Variants in MGAT4C observed in about 807,000 individuals in gnomAD.
MGAT4C encodes alpha-1,3-mannosyl-glycoprotein 4-beta-N-acetylglucosaminyltransferase C.
MGAT4C carries 19 observed loss-of-function variants against 40.1 expected under a neutral mutation model. That is an observed-to-expected ratio of 0.47 (90% CI 0.33 to 0.70). MGAT4C has a LOEUF of 0.70. MGAT4C is among the 30% of genes least tolerant of loss of function. The pLI is 0.02. For missense variants in MGAT4C, 491 were observed against 563.2 expected, an observed-to-expected ratio of 0.87 and a Z score of 1.30; for synonymous variants, 181 against 187.1, an observed-to-expected ratio of 0.97 and a Z score of 0.27.
chr12:86,673,893 G>T (rs1964326290), intron 2 of MGAT4C, among the ~76,000 whole-genome samples: 1 of 151,830 alleles, frequency 6.6e-6, no homozygotes, highest in South Asian at 2.1e-4. Context: ...TAAAATAATG[G>T]TATTCAATTG....
At chr12:86,757,650 G>A (rs1951328691) in intron 1 of MGAT4C, among the ~76,000 whole-genome samples, 2 of 152,020 alleles carry the variant, frequency 1.3e-5, no homozygotes, top group South Asian at 2.1e-4. Context: ...GTGGATTTTT[G>A]TTCTTCTTAG....
rs1057290578 is a variant in MGAT4C at position 86,813,416 on chromosome 12, G to A, written c.-262+25250C>T. Among the ~76,000 whole-genome samples the A allele has an allele frequency of 1.8e-4, 26 of 143,184 alleles. 1 individual carries two copies. The highest frequency in any genetic ancestry group is 1.3e-3 in the Admixed American group (19 of 14,538). The allele number at this position is 143,184 out of a possible 152,430, so 93.9% of individuals were successfully genotyped here. On this transcript the variant is annotated intron_variant, in intron 1 of 7. Coordinates refer to the MGAT4C transcript ENST00000548651. ...TCTACCTGATTTAATTTACTCTAAAGAAATAATCTAATTTTGAAATTTTCT... is the reference window on the plus strand; with the variant it reads ...TCTACCTGATTTAATTTACTCTAAAAAAATAATCTAATTTTGAAATTTTCT...
At chr12:86,601,949 T>C (rs781091666) in intron 2 of MGAT4C, among the ~76,000 whole-genome samples, 1 of 152,174 alleles carries the variant, frequency 6.6e-6, no homozygotes, top group Non-Finnish European at 1.5e-5. Context: ...TGGTTCCTGG[T>C]GTCTCCGAGC....
chr12:86,167,591 C>G (rs1886325416), intron 1 of MGAT4C, among the ~76,000 whole-genome samples: 2 of 152,112 alleles, frequency 1.3e-5, no homozygotes, highest in African/African-American at 2.4e-5. Flanking sequence ...TGAGGACCAT[C>G]CCATAGCAGA....
At chr12:86,208,286 C>A (rs1221901105) in intron 1 of MGAT4C, among the ~76,000 whole-genome samples, 4 of 152,124 alleles carry the variant, frequency 2.6e-5, no homozygotes, top group Non-Finnish European at 5.9e-5. Flanking sequence ...GGCAACATGG[C>A]AAAACCCCAT....
chr12:86,286,938 A>G (rs1156265818), intron 4 of MGAT4C, among the ~76,000 whole-genome samples: 1 of 152,178 alleles, frequency 6.6e-6, no homozygotes, highest in Admixed American at 6.6e-5. Flanking sequence ...CTGTGGGTGC[A>G]TGGTATTCCA....
chr12:86,061,872 A>C (rs1469852790), intron 1 of MGAT4C, among the ~76,000 whole-genome samples: 1 of 152,174 alleles, frequency 6.6e-6, no homozygotes, highest in Middle Eastern at 3.2e-3. Flanking sequence ...CAGCAGCCTC[A>C]GTCAGGGACC....
intron 2 of MGAT4C, among the ~76,000 whole-genome samples, chr12:86,564,448 T>C (rs1221125092): frequency 1.3e-5 from 2 of 152,184 alleles, no homozygotes; most frequent in Non-Finnish European, 2.9e-5. Flanking sequence ...TGGTCATTCT[T>C]CCCTTCCACA....
chr12:86,104,285 A>G (rs1875718068), intron 1 of MGAT4C, among the ~76,000 whole-genome samples: 1 of 151,778 alleles, frequency 6.6e-6, no homozygotes, highest in Non-Finnish European at 1.5e-5. Flanking sequence ...AGAAAAATAC[A>G]AAAAGTTAGG....
chr12:86,600,437 T>C lies in MGAT4C; in HGVS notation c.-229+126772A>G, dbSNP rs556415524. Among the ~76,000 whole-genome samples, 12 of 152,310 alleles carry C rather than the reference T, an allele frequency of 7.9e-5. No homozygotes were observed. The South Asian group carries it at 1.7e-3, about 21-fold the overall frequency. On this transcript the variant is annotated intron_variant, in intron 2 of 7. Coordinates refer to the MGAT4C transcript ENST00000548651. ...TGATGTGATCTCATGATCTCATTTA[T>C]AGTATAAAAGGTCATTTGGAAGAGA...
chr12:86,549,432 G>C (rs551652525), intron 2 of MGAT4C, among the ~76,000 whole-genome samples: 2 of 152,132 alleles, frequency 1.3e-5, no homozygotes, highest in Non-Finnish European at 2.9e-5. Flanking sequence ...TTAATTGCTT[G>C]TTATACCTAT....
intron 1 of MGAT4C, among the ~76,000 whole-genome samples, chr12:86,081,632 TG>T (rs1870848922): frequency 6.6e-6 from 1 of 152,200 alleles, no homozygotes; most frequent in African/African-American, 2.4e-5. Flanking sequence ...GAATGAAGTC[TG>T]GGGGGTGACA....
chr12:86,121,898 G>T (rs975653539), intron 1 of MGAT4C, among the ~76,000 whole-genome samples: 1 of 152,064 alleles, frequency 6.6e-6, no homozygotes, highest in Non-Finnish European at 1.5e-5. Context: ...TCCCCCAAGG[G>T]TTATACAAAT....
chr12:86,161,700 T>A (rs1885608420), intron 1 of MGAT4C, among the ~76,000 whole-genome samples: 1 of 151,960 alleles, frequency 6.6e-6, no homozygotes, highest in African/African-American at 2.4e-5. Context: ...AAATAAACTA[T>A]CAACAGAGCA....
At chr12:86,565,373 G>A (rs992598637) in intron 2 of MGAT4C, among the ~76,000 whole-genome samples, 3 of 152,174 alleles carry the variant, frequency 2.0e-5, no homozygotes, top group Admixed American at 6.5e-5. Context: ...GTTGACAGAG[G>A]AAGGAAAGAC....
rs1884082464 is a variant in MGAT4C, at chr12:85,977,518, C to T, written c.*1771G>A. 1 of 151,180 alleles carries T rather than the reference C, an allele frequency of 6.6e-6. No homozygotes were observed. Among genetic ancestry groups the T allele is most frequent in the Non-Finnish European group, 1.5e-5 (1 of 67,462 alleles). The allele number at this position is 151,180 out of a possible 1,614,324, so 9.4% of individuals were successfully genotyped here. A position where few individuals can be genotyped will look rare whatever the true frequency, so the allele number is the denominator to read the frequency against. ...TGCCTCACAAAATATTAATATTTAG[C>T]CTCTTATGAAAGGTTCGTTTTTCTT... is the stretch of plus-strand genomic sequence containing the variant. On this transcript the variant is annotated 3_prime_UTR_variant, in exon 5 of 5. Coordinates refer to ENST00000611864, the MANE Select transcript of MGAT4C (RefSeq NM_001351288.2).
At chr12:86,211,488 GA>G (rs1231726140) in intron 1 of MGAT4C, among the ~76,000 whole-genome samples, 1 of 150,222 alleles carries the variant, frequency 6.7e-6, no homozygotes, top group Non-Finnish European at 1.5e-5. Flanking sequence ...TCGGGAGGCT[GA>G]GGCGGGAGAA....
chr12:86,620,319 C>A (rs1962595342), intron 2 of MGAT4C, among the ~76,000 whole-genome samples: 1 of 151,818 alleles, frequency 6.6e-6, no homozygotes, highest in East Asian at 1.9e-4. Flanking sequence ...AAGTGTCCAT[C>A]AGTCGAGAAT....
intron 1 of MGAT4C, among the ~76,000 whole-genome samples, chr12:86,221,005 T>G (rs1950857143): frequency 1.3e-5 from 2 of 152,194 alleles, no homozygotes; most frequent in African/African-American, 4.8e-5. Context: ...TTGTTTTAGG[T>G]AACAGGATTG....
Sources: gnomAD v4.1 joint callset for allele counts (sites outside exome capture counted in the v4.1 genomes callset) on GRCh38, gnomAD v4.1.1 for gene constraint, MANE v1.5 for transcripts, NCBI Gene and HGNC (gene_info 2026-07-23, HGNC 2026-07-21) for gene names.